Variants in TASP1 observed in about 807,000 individuals in gnomAD.
The protein encoded by TASP1 is threonine aspartase 1.
In TASP1, 16 loss-of-function variants were observed where a neutral mutation model predicts 56.6. That is an observed-to-expected ratio of 0.28 (90% CI 0.19 to 0.43). The LOEUF (loss-of-function observed/expected upper bound fraction) is 0.43, where lower values mean the gene tolerates loss of function less well. Ranked by LOEUF, TASP1 falls within the 20% of genes least tolerant of loss-of-function variation. TASP1 has a pLI of 1.00. For synonymous variants in TASP1, 179 were observed against 184.2 expected, an observed-to-expected ratio of 0.97 and a Z score of 0.23; for missense variants, 393 against 511.6, an observed-to-expected ratio of 0.77 and a Z score of 2.24.
At chr20:13,480,620 A>C (rs2043106949) in intron 11 of TASP1, among the ~76,000 whole-genome samples, 1 of 152,156 alleles carries the variant, frequency 6.6e-6, no homozygotes, top group African/African-American at 2.4e-5. Flanking sequence ...GAGTTATACG[A>C]AGCAACAGAA....
intron 10 of TASP1, among the ~76,000 whole-genome samples, chr20:13,511,874 C>A (rs1023794237): frequency 2.0e-5 from 3 of 150,746 alleles, no homozygotes; most frequent in Non-Finnish European, 2.9e-5. Context: ...TTTGTCCTTG[C>A]GATAGTTTGC....
At chr20:13,387,425 G>A (rs561053702), downstream of TASP1, among the ~76,000 whole-genome samples, 1 of 152,060 alleles carries the variant, frequency 6.6e-6, no homozygotes, top group Non-Finnish European at 1.5e-5. Context: ...CTGACCTCAG[G>A]TGATCCACCC....
intron 10 of TASP1, among the ~76,000 whole-genome samples, chr20:13,488,718 G>A (rs185204837): frequency 8.5e-5 from 13 of 152,122 alleles, no homozygotes; most frequent in East Asian, 7.7e-4. Context: ...CAGCAGTAAC[G>A]TGAACTCCTC....
chr20:13,116,487 T>C, the TASP1 span, among the ~76,000 whole-genome samples: 1 of 152,094 alleles, frequency 6.6e-6, no homozygotes, highest in Non-Finnish European at 1.5e-5. Flanking sequence ...GTCCCAGAGG[T>C]GCCATGTAAA....
chr20:13,560,116 A>T (rs2046295849), intron 7 of TASP1, among the ~76,000 whole-genome samples: 1 of 152,246 alleles, frequency 6.6e-6, no homozygotes, highest in Non-Finnish European at 1.5e-5. Flanking sequence ...AAAACTTGAT[A>T]TACAAATTTT....
At chr20:13,625,070 GT>G in intron 3 of TASP1, 114 bp downstream of exon 3, 1 of 668,758 alleles carries the variant, frequency 1.5e-6, no homozygotes, top group Non-Finnish European at 2.3e-6. Context: ...AAATAATTTT[GT>G]AGTCCAAACT....
the TASP1 span, chr20:13,288,614 C>A: frequency 6.2e-7 from 1 of 1,613,976 alleles, no homozygotes; most frequent in African/African-American, 1.3e-5. Flanking sequence ...CAACCAGAAA[C>A]GGACCCGGTC....
At chr20:13,622,738 G>C (rs189834479) in intron 4 of TASP1, among the ~76,000 whole-genome samples, 1 of 152,236 alleles carries the variant, frequency 6.6e-6, no homozygotes, top group East Asian at 1.9e-4. Context: ...GATTCCCTAA[G>C]TAGTATTCTC....
intron 11 of TASP1, among the ~76,000 whole-genome samples, chr20:13,479,011 C>G (rs1486595027): frequency 6.6e-6 from 1 of 151,930 alleles, no homozygotes; most frequent in African/African-American, 2.4e-5. Context: ...AAGTGGAAAG[C>G]ATATTGCAAA....
the TASP1 span, among the ~76,000 whole-genome samples, chr20:13,296,230 A>AC: frequency 6.6e-6 from 1 of 151,884 alleles, no homozygotes; most frequent in African/African-American, 2.4e-5. Context: ...CCAACTGGCA[A>AC]CCCCTCTGTG....
the TASP1 span, among the ~76,000 whole-genome samples, chr20:13,272,833 C>T: frequency 2.8e-3 from 420 of 152,318 alleles, 3 homozygotes; most frequent in African/African-American, 9.5e-3. Flanking sequence ...CATGGCTCAT[C>T]CATGTGTTTA....
At position 13,569,570 on chromosome 20, in the gene TASP1, C is replaced by G. The variant is rs1210300013; in HGVS notation, c.505G>C (p.Gly169Arg). The change falls in exon 7 of 14, where the codon GGA (glycine) becomes CGA (arginine). Residue 169 changes from glycine to arginine, a missense_variant. Gly to Arg is a moderately radical substitution (Grantham distance 125). Transcript: ENST00000337743. The stretch of plus-strand genomic sequence containing the variant: ...TGATCTACTGCCCATCTGTAGGCTC[C>G]TTCTCCAACTAAAAAGCTAACAACA... The part of the protein sequence containing the change: ...RIPPCFLVGE[G>R]AYRWAVDHGI... The G allele has an allele frequency of 1.2e-6, 2 of 1,612,202 alleles. No homozygotes were observed. Among genetic ancestry groups the G allele is most frequent in the Admixed American group, 3.3e-5 (2 of 59,956 alleles).
intron 8 of TASP1, among the ~76,000 whole-genome samples, chr20:13,557,744 C>A (rs6079103): frequency 4.0e-5 from 6 of 151,648 alleles, no homozygotes; most frequent in Admixed American, 1.3e-4. Flanking sequence ...CCATATCCAG[C>A]TAAATTTTTG....
chr20:13,264,198 G>A, the TASP1 span, among the ~76,000 whole-genome samples: 2 of 152,176 alleles, frequency 1.3e-5, no homozygotes, highest in Non-Finnish European at 2.9e-5. Context: ...TCAGAAATTT[G>A]CCAGCCAGTC....
intron 11 of TASP1, among the ~76,000 whole-genome samples, chr20:13,444,691 T>C (rs1354249457): frequency 1.3e-5 from 2 of 152,198 alleles, no homozygotes. Context: ...AACTGCATTC[T>C]ACCATTTGCT....
chr20:13,399,751 T>C (rs565034502), intron 13 of TASP1, among the ~76,000 whole-genome samples: 2 of 152,320 alleles, frequency 1.3e-5, no homozygotes, highest in African/African-American at 4.8e-5. Context: ...TCAGTTCATA[T>C]CATTCCACTG....
At chr20:13,137,426 G>T in the TASP1 span, among the ~76,000 whole-genome samples, 1 of 152,116 alleles carries the variant, frequency 6.6e-6, no homozygotes, top group African/African-American at 2.4e-5. Context: ...TTCTTGAACT[G>T]CAGAAGTGAT....
intron 10 of TASP1, among the ~76,000 whole-genome samples, chr20:13,511,353 A>G (rs188485881): frequency 6.6e-6 from 1 of 152,142 alleles, no homozygotes; most frequent in Non-Finnish European, 1.5e-5. Context: ...TCATCAATGG[A>G]GCCCGTGAAC....
chr20:13,570,795 T>G (rs532654367), intron 6 of TASP1, among the ~76,000 whole-genome samples: 1 of 152,132 alleles, frequency 6.6e-6, no homozygotes, highest in Admixed American at 6.5e-5. Context: ...AGCCGTCACA[T>G]AAACTTCAAA....
Sources: allele counts gnomAD v4.1 joint callset (sites outside exome capture counted in the v4.1 genomes callset), GRCh38; gene constraint gnomAD v4.1.1; transcripts MANE v1.5; gene names NCBI Gene and HGNC (gene_info 2026-07-23, HGNC 2026-07-21).